The following CEP126 variants were observed in gnomAD, a reference collection of about 807,000 sequenced individuals.
CEP126 encodes centrosomal protein 126.
In CEP126, 74 loss-of-function variants were observed where a neutral mutation model predicts 107.8. That is an observed-to-expected ratio of 0.69 (90% CI 0.57 to 0.83). The LOEUF (loss-of-function observed/expected upper bound fraction) is 0.83. Ranked by LOEUF, CEP126 falls within the 40% of genes least tolerant of loss-of-function variation. The probability of loss-of-function intolerance (pLI) is 0.00; values close to 1 mark genes in which losing one functional copy is unlikely to be tolerated. For synonymous variants in CEP126, 449 were observed against 446.0 expected, an observed-to-expected ratio of 1.01 and a Z score of -0.08; for missense variants, 1,237 against 1,281.9, an observed-to-expected ratio of 0.96 and a Z score of 0.53.
chr11:101,989,257 G>T (rs188878152), intron 9 of CEP126, among the ~76,000 whole-genome samples: 196 of 152,226 alleles, frequency 1.3e-3, no homozygotes, highest in African/African-American at 4.6e-3. Context: ...AACAATAATA[G>T]AAATATTTTA....
chr11:101,971,948 A>C (rs1941134371), intron 6 of CEP126, among the ~76,000 whole-genome samples: 2 of 152,056 alleles, frequency 1.3e-5, no homozygotes, highest in African/African-American at 4.8e-5. Flanking sequence ...GTCTCTACTA[A>C]AAATTTAAAA....
At chr11:101,953,995 T>G (rs144971194) in intron 4 of CEP126, among the ~76,000 whole-genome samples, 6 of 151,364 alleles carry the variant, frequency 4.0e-5, no homozygotes, top group Non-Finnish European at 7.4e-5. Flanking sequence ...TTGTTATACT[T>G]TATGTTAATT....
chr11:101,940,856 G>T (rs1217850444), intron 2 of CEP126, among the ~76,000 whole-genome samples: 1 of 152,172 alleles, frequency 6.6e-6, no homozygotes, highest in Non-Finnish European at 1.5e-5. Context: ...CAAAATTCTA[G>T]CATGGGAAGT....
intron 4 of CEP126, among the ~76,000 whole-genome samples, chr11:101,949,096 G>A (rs1940777010): frequency 6.6e-6 from 1 of 152,138 alleles, no homozygotes; most frequent in Admixed American, 6.5e-5. Flanking sequence ...GTGAGTGGAT[G>A]GCATTTTAGA....
At chr11:101,976,872 A>G (rs952820342) in intron 6 of CEP126, among the ~76,000 whole-genome samples, 59 of 152,164 alleles carry the variant, frequency 3.9e-4, no homozygotes, top group African/African-American at 1.4e-3. Context: ...AATTCCACTT[A>G]TAGCTATACA....
At chr11:101,921,777 C>CTTTTTTTT (rs747642967) in intron 1 of CEP126, among the ~76,000 whole-genome samples, 48 of 55,020 alleles carry the variant, frequency 8.7e-4, no homozygotes, top group Non-Finnish European at 1.2e-3. Flanking sequence ...TTCATGATTT[C>CTTTTTTTT]TTTTTTTTTT....
At chr11:101,977,259 T>C (rs1941201564) in intron 6 of CEP126, among the ~76,000 whole-genome samples, 1 of 152,148 alleles carries the variant, frequency 6.6e-6, no homozygotes, top group South Asian at 2.1e-4. Context: ...TTGGCCTTGC[T>C]GTTGTTTACC....
chr11:101,917,973 C>T (rs142750013), intron 1 of CEP126, among the ~76,000 whole-genome samples: 2 of 152,280 alleles, frequency 1.3e-5, no homozygotes, highest in African/African-American at 4.8e-5. Flanking sequence ...CCTATGAATG[C>T]CTCTGCCAGG....
chr11:101,961,678 G>A, intron 5 of CEP126, 63 bp from the exon 6 acceptor site: 1 of 892,476 alleles, frequency 1.1e-6, no homozygotes, highest in Non-Finnish European at 1.7e-6. Context: ...ATGGTATGTT[G>A]AATCGTTAAT....
At chr11:101,944,441 A>G (rs1940709329) in intron 3 of CEP126, 31 bp downstream of exon 3, 6 of 1,577,680 alleles carry the variant, frequency 3.8e-6, no homozygotes, top group Non-Finnish European at 5.1e-6. Context: ...GTATGAGAAC[A>G]TAAAGTTTTA....
intron 10 of CEP126, 126 bp downstream of exon 10, chr11:101,992,968 T>G: frequency 1.1e-6 from 1 of 940,588 alleles, no homozygotes; most frequent in Non-Finnish European, 1.4e-6. Flanking sequence ...AGAGGTTTTC[T>G]CCTCAACTGG....
At chr11:101,967,269 G>A (rs982308666) in intron 6 of CEP126, among the ~76,000 whole-genome samples, 1 of 151,912 alleles carries the variant, frequency 6.6e-6, no homozygotes, top group East Asian at 1.9e-4. Context: ...TTCCCACTCA[G>A]TCTCCCAAAG....
chr11:101,951,350 A>C lies in CEP126; in HGVS notation c.506+3208A>C, dbSNP rs192635362. ...AAGACCCCATCTCTACACACACACA[A>C]AAAATGTAAAAATTAGCTGGGCATG... is the stretch of plus-strand genomic sequence containing the variant. On this transcript the variant is annotated intron_variant, in intron 4 of 10. Transcript: ENST00000263468. Among the ~76,000 whole-genome samples the C allele has an allele frequency of 1.3e-4, 20 of 152,178 alleles. No homozygotes were observed. The East Asian group carries it at 2.9e-3, about 22-fold the overall frequency.
intron 6 of CEP126, among the ~76,000 whole-genome samples, chr11:101,967,871 G>A (rs1404136174): frequency 6.6e-6 from 1 of 152,168 alleles, no homozygotes; most frequent in Admixed American, 6.6e-5. Flanking sequence ...AGAAGAAGGT[G>A]AATAGGCTCT....
At chr11:101,972,671 C>T (rs1398525829) in intron 6 of CEP126, among the ~76,000 whole-genome samples, 2 of 150,588 alleles carry the variant, frequency 1.3e-5, no homozygotes, top group African/African-American at 2.4e-5. Flanking sequence ...TGTGCTGGCG[C>T]GCACCTGTAG....
At chr11:101,995,516 T>C (rs1941431958) in intron 10 of CEP126, among the ~76,000 whole-genome samples, 1 of 152,176 alleles carries the variant, frequency 6.6e-6, no homozygotes, top group Non-Finnish European at 1.5e-5. Context: ...CTAGAAACAG[T>C]GATGACAAAC....
rs1317520004 is a variant in CEP126 at position 101,963,036 on chromosome 11, T to A, written c.2001T>A (p.Ser667Arg). ...QQHSQQFHIQSGAGSNIISVS... is the reference protein window; with the variant it reads ...QQHSQQFHIQRGAGSNIISVS... ...ATTCTCAACAATTCCACATTCAAAG[T>A]GGTGCTGGAAGCAACATAATTAGTG... Residue 667 changes from serine to arginine, a missense_variant, in exon 6 of 11, where the codon AGT becomes AGA. Transcript: ENST00000263468. 6.2e-6 allele frequency: 10 copies of A among 1,613,968 alleles called. No homozygotes were observed. The highest frequency in any genetic ancestry group is 5.9e-6 in the Non-Finnish European group (7 of 1,179,970).
intron 6 of CEP126, among the ~76,000 whole-genome samples, chr11:101,964,712 A>C (rs1436095110): frequency 2.0e-5 from 3 of 151,946 alleles, no homozygotes; most frequent in Non-Finnish European, 4.4e-5. Flanking sequence ...ACCAGTGCTC[A>C]ACTGAAATTA....
chr11:101,980,253 C>T (rs1344450482), intron 7 of CEP126, among the ~76,000 whole-genome samples: 1 of 152,148 alleles, frequency 6.6e-6, no homozygotes, highest in African/African-American at 2.4e-5. Context: ...TTTCAACTGC[C>T]ATGTTCCCAT....
Sources: gnomAD v4.1 joint callset for allele counts (sites outside exome capture counted in the v4.1 genomes callset) on GRCh38, gnomAD v4.1.1 for gene constraint, MANE v1.5 for transcripts, NCBI Gene and HGNC (gene_info 2026-07-23, HGNC 2026-07-21) for gene names.